ESRP1: variants seen among roughly 807,000 people sequenced by gnomAD.
The protein encoded by ESRP1 is RNA-binding motif protein 35A.
In ESRP1, 33 loss-of-function variants were observed where a neutral mutation model predicts 81.7. The observed-to-expected ratio is 0.40, with a 90% CI of 0.31 to 0.54. The LOEUF (loss-of-function observed/expected upper bound fraction) is 0.54, where lower values mean the gene tolerates loss of function less well. Ranked by LOEUF, ESRP1 falls within the 20% of genes least tolerant of loss-of-function variation. ESRP1 has a pLI of 0.41. For synonymous variants in ESRP1, 320 were observed against 303.3 expected, an observed-to-expected ratio of 1.06 and a Z score of -0.57; for missense variants, 672 against 833.1, an observed-to-expected ratio of 0.81 and a Z score of 2.38.
At chr8:94,684,618 T>C (rs1029565235) in intron 13 of ESRP1, among the ~76,000 whole-genome samples, 4 of 152,148 alleles carry the variant, frequency 2.6e-5, no homozygotes, top group African/African-American at 9.7e-5. Flanking sequence ...GCAGTGATAA[T>C]TAGATTTTTC....
At chr8:94,644,335 A>G (rs1212846072) in intron 3 of ESRP1, among the ~76,000 whole-genome samples, 3 of 152,162 alleles carry the variant, frequency 2.0e-5, no homozygotes, top group Non-Finnish European at 4.4e-5. Context: ...TGTATAAGGC[A>G]AGGCTTGCAA....
At chr8:94,641,579 G>A (rs1817590775) in intron 1 of ESRP1, 129 bp downstream of exon 1, 17 of 1,315,402 alleles carry the variant, frequency 1.3e-5, no homozygotes, top group Non-Finnish European at 1.5e-5. Flanking sequence ...GTCTGGACCC[G>A]AGGCCTAGGG....
intron 13 of ESRP1, among the ~76,000 whole-genome samples, chr8:94,685,016 T>A (rs1164901324): frequency 8.0e-6 from 1 of 125,030 alleles, no homozygotes; most frequent in Non-Finnish European, 1.7e-5. Context: ...AGCACAAGCC[T>A]GTCTTTAAAA....
intron 3 of ESRP1, among the ~76,000 whole-genome samples, chr8:94,645,248 G>A (rs531354629): frequency 6.6e-6 from 1 of 152,194 alleles, no homozygotes; most frequent in South Asian, 2.1e-4. Context: ...AACTTGGAGA[G>A]GAGATATTTT....
At position 94,678,351 on chromosome 8, in the gene ESRP1, T is replaced by C. The variant is rs12677519; in HGVS notation, c.1800T>C (p.Asn600=). 945,231 of 1,613,562 alleles carry C rather than the reference T, an allele frequency of 0.59. 282,419 individuals are homozygous for C. The highest frequency in any genetic ancestry group is 0.67 in the South Asian group (61,009 of 91,056). The change falls in exon 13 of 16, where the codon AAT becomes AAC. Residue 600 remains asparagine (N), a synonymous_variant. Transcript: ENST00000433389. ...YYPAGTQLFM[N]YTAYYPSPPG... ...CAGCAGGCACTCAGCTCTTCATGAA[T>C]TACACAGCGTACTATCCCAGGTAAG...
At chr8:94,653,363 T>C (rs566996065) in intron 4 of ESRP1, among the ~76,000 whole-genome samples, 1 of 152,300 alleles carries the variant, frequency 6.6e-6, no homozygotes, top group South Asian at 2.1e-4. Flanking sequence ...TATTTGAATC[T>C]TCAGCCTCAG....
At chr8:94,698,707 T>C (rs1809700109) in intron 15 of ESRP1, among the ~76,000 whole-genome samples, 1 of 152,222 alleles carries the variant, frequency 6.6e-6, no homozygotes, top group Non-Finnish European at 1.5e-5. Flanking sequence ...TGGCATGTCA[T>C]TTTCCAATTC....
At chr8:94,648,507 T>C (rs1422680637) in intron 4 of ESRP1, among the ~76,000 whole-genome samples, 3 of 152,262 alleles carry the variant, frequency 2.0e-5, no homozygotes, top group African/African-American at 7.2e-5. Context: ...TGCTCATCTA[T>C]GCAAAGTATT....
chr8:94,644,184 G>C (rs1181654491), intron 3 of ESRP1, among the ~76,000 whole-genome samples: 1 of 152,190 alleles, frequency 6.6e-6, no homozygotes, highest in South Asian at 2.1e-4. Flanking sequence ...AAAAGGAACA[G>C]CAGAGACAAC....
chr8:94,681,242 C>T (rs931612439), intron 13 of ESRP1, among the ~76,000 whole-genome samples: 6 of 140,528 alleles, frequency 4.3e-5, no homozygotes, highest in African/African-American at 5.3e-5. Context: ...AGGAGAATGG[C>T]GTGAACCCGG....
chr8:94,647,051 A>G, intron 4 of ESRP1, among the ~76,000 whole-genome samples: 1 of 152,352 alleles, frequency 6.6e-6, no homozygotes, highest in East Asian at 1.9e-4. Flanking sequence ...AGTTAACTTC[A>G]GTAGCTTGTG....
At chr8:94,668,492 T>G in intron 10 of ESRP1, 1 of 313,648 alleles carries the variant, frequency 3.2e-6, no homozygotes, top group Non-Finnish European at 5.8e-6. Context: ...TTTTGTATTC[T>G]GTTTTAAAAC....
chr8:94,678,140 T>A, intron 12 of ESRP1, 63 bp from the exon 13 acceptor site: 1 of 1,534,224 alleles, frequency 6.5e-7, no homozygotes, highest in Non-Finnish European at 8.9e-7. Flanking sequence ...ATGTTTTTAG[T>A]GCTAGCACGT....
At chr8:94,681,443 G>C (rs540911249) in intron 13 of ESRP1, among the ~76,000 whole-genome samples, 1 of 149,696 alleles carries the variant, frequency 6.7e-6, no homozygotes, top group Admixed American at 6.7e-5. Flanking sequence ...TTTGAGACCA[G>C]CCTGGCCAAC....
rs750096965 is a variant in ESRP1 at position 94,641,289 on chromosome 8, C to T, written c.-30C>T. On this transcript the variant is annotated 5_prime_UTR_variant, in exon 1 of 16. Coordinates refer to ENST00000433389, the MANE Select transcript of ESRP1 (RefSeq NM_017697.4). ...TCCACACCACCTTACCGCCTCCCGA[C>T]CCCCCCTCTCCCCCTCCCCACCTAT... is the stretch of plus-strand genomic sequence containing the variant. 3 of 1,534,374 alleles carry T rather than the reference C, an allele frequency of 2.0e-6. No homozygotes were observed. Among genetic ancestry groups the T allele is most frequent in the East Asian group, 2.3e-5 (1 of 43,984 alleles).
intron 15 of ESRP1, among the ~76,000 whole-genome samples, chr8:94,703,108 G>GTTTTTT (rs201767398): frequency 1.4e-4 from 18 of 128,522 alleles, no homozygotes; most frequent in African/African-American, 1.4e-4. Flanking sequence ...GAGATTGATT[G>GTTTTTT]TTTTTTTTTT....
intron 13 of ESRP1, among the ~76,000 whole-genome samples, chr8:94,680,353 C>T (rs1338213574): frequency 1.3e-5 from 2 of 152,196 alleles, no homozygotes; most frequent in Non-Finnish European, 2.9e-5. Context: ...ATTATATGCT[C>T]TTATTTATGC....
At chr8:94,680,499 C>T (rs893595293) in intron 13 of ESRP1, among the ~76,000 whole-genome samples, 1 of 152,052 alleles carries the variant, frequency 6.6e-6, no homozygotes, top group African/African-American at 2.4e-5. Context: ...GTGATCTTGT[C>T]TCACCACACC....
intron 13 of ESRP1, among the ~76,000 whole-genome samples, chr8:94,682,862 G>GTA (rs1808951678): frequency 9.3e-6 from 1 of 107,508 alleles, no homozygotes; most frequent in Admixed American, 1.1e-4. Flanking sequence ...ATATATGTGT[G>GTA]TATATACATA....
Sources: gnomAD v4.1 joint callset for allele counts (sites outside exome capture counted in the v4.1 genomes callset) on GRCh38, gnomAD v4.1.1 for gene constraint, MANE v1.5 for transcripts, NCBI Gene and HGNC (gene_info 2026-07-23, HGNC 2026-07-21) for gene names.